Variants in PCDHA2 observed in about 807,000 individuals in gnomAD.
PCDHA2 encodes the protein protocadherin alpha-2.
In PCDHA2, 58 loss-of-function variants were observed where a neutral mutation model predicts 66.0. The observed-to-expected ratio is 0.88, with a 90% CI of 0.71 to 1.09. The LOEUF (loss-of-function observed/expected upper bound fraction) is 1.09. Ranked by LOEUF, PCDHA2 falls within the 50% of genes least tolerant of loss-of-function variation. The pLI is 0.00. For synonymous variants in PCDHA2, 634 were observed against 554.0 expected (o/e 1.14, Z -2.03); for missense variants, 1,267 against 1,242.3 (o/e 1.02, Z -0.30).
intron 1 of PCDHA2, chr5:140,849,827 G>T (rs1554143366): frequency 6.3e-7 from 1 of 1,598,480 alleles, no homozygotes; most frequent in Non-Finnish European, 8.6e-7. Context: ...TGTCTGTGGA[G>T]GTGGCCGACG....
chr5:140,993,001 TC>T (rs1554253322), intron 3 of PCDHA2, among the ~76,000 whole-genome samples: 4 of 152,124 alleles, frequency 2.6e-5, no homozygotes, highest in Admixed American at 2.6e-4. Context: ...TGAAAGAGCC[TC>T]CCCAGAGTCC....
chr5:140,829,921 G>A (rs1770679553), intron 1 of PCDHA2: 1 of 1,613,908 alleles, frequency 6.2e-7, no homozygotes, highest in Admixed American at 1.7e-5. Flanking sequence ...TTTCGTATGA[G>A]CTGCAGCCCC....
intron 1 of PCDHA2, among the ~76,000 whole-genome samples, chr5:140,820,941 T>G (rs1298490010): frequency 2.6e-5 from 4 of 152,104 alleles, no homozygotes; most frequent in South Asian, 2.1e-4. Flanking sequence ...AGCTGAAATA[T>G]CCCCATTACA....
chr5:140,849,616 T>C (rs2150442441), intron 1 of PCDHA2: 3 of 1,598,578 alleles, frequency 1.9e-6, no homozygotes, highest in African/African-American at 2.7e-5. Flanking sequence ...CTGATTAGTG[T>C]GATCGACCTA....
intron 1 of PCDHA2, chr5:140,927,167 C>A (rs782612848): frequency 6.2e-7 from 1 of 1,614,164 alleles, no homozygotes; most frequent in Admixed American, 1.7e-5. Context: ...GCCAAAGCTG[C>A]CTGCGTCTTG....
intron 1 of PCDHA2, among the ~76,000 whole-genome samples, chr5:140,872,173 T>C (rs2053523271): frequency 6.6e-6 from 1 of 152,224 alleles, no homozygotes; most frequent in Non-Finnish European, 1.5e-5. Flanking sequence ...TTCTTTTTTT[T>C]TTTTACAGTG....
chr5:140,811,831 A>G (rs1284132300), intron 1 of PCDHA2: 2 of 152,028 alleles, frequency 1.3e-5, no homozygotes, highest in African/African-American at 2.4e-5. Flanking sequence ...TCCTTTGCCC[A>G]CTTTTTGATA....
At chr5:140,850,468 C>T in intron 1 of PCDHA2, 1 of 1,597,912 alleles carries the variant, frequency 6.3e-7, no homozygotes, top group Non-Finnish European at 8.6e-7. Context: ...GGGGAGCCAG[C>T]GCTGACGGCC....
intron 1 of PCDHA2, chr5:140,869,081 T>C: frequency 6.3e-7 from 1 of 1,581,722 alleles, no homozygotes; most frequent in Non-Finnish European, 8.6e-7. Flanking sequence ...AGAAGCTTAT[T>C]TTGGAAGCCA....
chr5:140,993,630 C>T (rs1305182880), intron 3 of PCDHA2, among the ~76,000 whole-genome samples: 2 of 152,054 alleles, frequency 1.3e-5, no homozygotes, highest in South Asian at 4.2e-4. Flanking sequence ...TATATATAGT[C>T]GTGTACCAAA....
chr5:140,841,795 C>G (rs2150322842), intron 1 of PCDHA2: 8 of 1,613,824 alleles, frequency 5.0e-6, no homozygotes, highest in Non-Finnish European at 6.8e-6. Flanking sequence ...AGGGCGCGTC[C>G]GATGCAGATG....
At chr5:140,852,176 A>G in intron 1 of PCDHA2, 1 of 792,442 alleles carries the variant, frequency 1.3e-6, no homozygotes, top group South Asian at 5.6e-5. Flanking sequence ...CACAAAAATA[A>G]CTATGAAAAT....
chr5:141,009,923 A>T lies in PCDHA2; in HGVS notation c.2833A>T (p.Asn945Tyr), dbSNP rs1463725058. The change falls in exon 4 of 4, where the codon AAC becomes TAC. Residue 945 changes from asparagine (N) to tyrosine (Y), a missense_variant. By Grantham distance (143) the Asn-to-Tyr change is moderately radical. Coordinates refer to ENST00000526136, the MANE Select transcript of PCDHA2 (RefSeq NM_018905.3). ...KKEKGNSTTD[N>Y]SDQ ...AGAGAAAGGGAACAGCACGACTGAC[A>T]ACAGTGACCAGTGAGGTCCTCAAAT... 6.2e-7 allele frequency: 1 copy of T among 1,608,790 alleles called. No homozygotes were observed. The highest frequency in any genetic ancestry group is 8.5e-7 in the Non-Finnish European group (1 of 1,178,528).
chr5:140,820,670 A>G (rs2150107563), intron 1 of PCDHA2, among the ~76,000 whole-genome samples: 62 of 152,214 alleles, frequency 4.1e-4, no homozygotes, highest in Admixed American at 2.8e-3. Flanking sequence ...TAATATAAAG[A>G]TAGCCTGGTT....
At position 140,940,270 on chromosome 5, in the gene PCDHA2, G is replaced by A. The variant is rs1236320412; in HGVS notation, c.2389-38679G>A. Among the ~76,000 whole-genome samples, 4 of 152,094 alleles carry A rather than the reference G, an allele frequency of 2.6e-5. No homozygotes were observed. In the East Asian group the frequency reaches 7.7e-4, roughly 29 times the overall value. ...TCCTCAATATCTTCTGGGTTCCACT[G>A]TTGTCTCATTGTGCTGCTTCATCAG... On this transcript the variant is annotated intron_variant, in intron 1 of 3. Transcript: ENST00000526136.
rs1419215366 is a variant in PCDHA2, at chr5:141,010,888, T to G, written c.*951T>G. 2 of 153,748 alleles carry G rather than the reference T, an allele frequency of 1.3e-5. No homozygotes were observed. The highest frequency in any genetic ancestry group is 2.9e-5 in the Non-Finnish European group (2 of 68,032). The allele number at this position is 153,748 out of a possible 1,614,324, so 9.5% of individuals were successfully genotyped here. On this transcript the variant is annotated 3_prime_UTR_variant, in exon 4 of 4. Coordinates refer to ENST00000526136, the MANE Select transcript of PCDHA2 (RefSeq NM_018905.3). Reference sequence around the variant, plus strand: ...AGCTATAAATCTTTAAAGAGAAATATGAATACAATTCCCCTAAACTCTCCT... The same window carrying G: ...AGCTATAAATCTTTAAAGAGAAATAGGAATACAATTCCCCTAAACTCTCCT...
At chr5:140,813,988 ACT>A (rs1263124316) in intron 1 of PCDHA2, 3 of 152,518 alleles carry the variant, frequency 2.0e-5, no homozygotes, top group African/African-American at 7.2e-5. Context: ...ACAGAGTGAG[ACT>A]CTGTCTCAAT....
At chr5:140,801,764 T>C (rs1762778579) in intron 1 of PCDHA2, 1 of 1,613,838 alleles carries the variant, frequency 6.2e-7, no homozygotes, top group Non-Finnish European at 8.5e-7. Context: ...ATGAGGAAAT[T>C]AAATCCCTTG....
intron 1 of PCDHA2, chr5:140,821,624 A>C: frequency 1.1e-6 from 1 of 893,550 alleles, no homozygotes; most frequent in Non-Finnish European, 1.7e-6. Context: ...GATTTTCCTT[A>C]GACAGAAAGG....
Sources: allele counts gnomAD v4.1 joint callset (sites outside exome capture counted in the v4.1 genomes callset), GRCh38; gene constraint gnomAD v4.1.1; transcripts MANE v1.5; gene names NCBI Gene and HGNC (gene_info 2026-07-23, HGNC 2026-07-21).